Variants in CPLANE1 observed in about 807,000 individuals in gnomAD.
CPLANE1 encodes the protein ciliogenesis and planar polarity effector complex subunit 1, also known as ciliogenesis and planar polarity effector 1.
CPLANE1 carries 263 observed loss-of-function variants against 362.5 expected under a neutral mutation model. That is an observed-to-expected ratio of 0.73 (90% CI 0.66 to 0.80). The LOEUF (loss-of-function observed/expected upper bound fraction) is 0.80. Among genes scored for constraint, CPLANE1 ranks in the 30% least tolerant of loss-of-function variants. The pLI is 0.00. For missense variants in CPLANE1, 3,461 were observed against 3,793.4 expected (o/e 0.91, Z 2.30); for synonymous variants, 1,212 against 1,302.6 (o/e 0.93, Z 1.50).
In CPLANE1 at chr5:37,169,181, T is replaced by C. The variant is rs747872533; in HGVS notation, c.6843A>G (p.Ala2281=). ...LPQRAAQTTP[A]SHLNVSQYNT... is the part of the protein sequence containing the mutation. Reference sequence around the variant, plus strand: ...TATACTGGCTTACATTCAAATGGGATGCTGGAGTAGTTTGTGCTGCTCTCT... The same window carrying C: ...TATACTGGCTTACATTCAAATGGGACGCTGGAGTAGTTTGTGCTGCTCTCT... The change falls in exon 34 of 53, where the codon GCA becomes GCG. Residue 2281 remains alanine, a synonymous_variant. Transcript: ENST00000651892. 2 of 1,614,212 alleles carry C rather than the reference T, an allele frequency of 1.2e-6. No individual in the cohort carries two copies. The highest frequency in any genetic ancestry group is 1.7e-6 in the Non-Finnish European group (2 of 1,180,034).
chr5:37,121,580 GTTATC>G (rs1762641756), intron 49 of CPLANE1, 32 bp downstream of exon 49: 3 of 1,597,742 alleles, frequency 1.9e-6, no homozygotes, highest in African/African-American at 2.7e-5. Context: ...CAGGCCTGAC[GTTATC>G]TTGCCAAATG....
intron 29 of CPLANE1, 44 bp downstream of exon 29, chr5:37,179,317 C>T: frequency 1.6e-6 from 2 of 1,237,582 alleles, no homozygotes; most frequent in Non-Finnish European, 2.3e-6. Flanking sequence ...AAACACTATA[C>T]AAAATGAAAG....
rs1047150320 is a variant in CPLANE1 at position 37,244,644 on chromosome 5, A to C, written c.338-37T>G. On this transcript the variant is annotated intron_variant, in intron 4 of 52. Transcript: ENST00000651892. Reference sequence around the variant, plus strand: ...ACAAAAAAAGTAATTAAGCCTCTGAAGTCTGAATTCCCCCCAATAAAGTAC... The same window carrying C: ...ACAAAAAAAGTAATTAAGCCTCTGACGTCTGAATTCCCCCCAATAAAGTAC... 1.6e-5 allele frequency: 19 copies of C among 1,187,502 alleles called. No homozygotes were observed. In the African/African-American group the frequency reaches 2.8e-4, roughly 17 times the overall value. 73.6% of individuals were successfully genotyped at this position (1,187,502 alleles called of 1,614,324 possible). A position where few individuals can be genotyped will look rare whatever the true frequency, so the allele number is the denominator to read the frequency against.
In CPLANE1 at chr5:37,245,712, T is replaced by C. The variant is rs1482203832; in HGVS notation, c.215A>G (p.Asn72Ser). 4 of 1,510,996 alleles carry C rather than the reference T, an allele frequency of 2.6e-6. No individual in the cohort carries two copies. The highest frequency in any genetic ancestry group is 2.6e-6 in the Non-Finnish European group (3 of 1,132,234). The allele number at this position is 1,510,996 out of a possible 1,614,324, so 93.6% of individuals were successfully genotyped here. ...KDVIVLTTSS[N>S]DAWLAGVLTT... ...TGAAAATATCAGTACTACTTAACCA[T>C]TACTGGATGTTGTTAGGACAATAAC... The change falls in exon 3 of 53, where the codon AAT (asparagine) becomes AGT (serine). Residue 72 changes from asparagine (N) to serine (S), a missense_variant and splice_region_variant. By Grantham distance (46) the Asn-to-Ser change is conservative (BLOSUM62 1). This residue lies in a region of CPLANE1 where 3,380 missense variants were observed against 3,666.1 expected (regional missense o/e 0.92). Transcript: ENST00000651892.
chr5:37,153,816 A>G lies in CPLANE1; in HGVS notation c.8297T>C (p.Leu2766Pro). 1 of 1,614,088 alleles carries G rather than the reference A, an allele frequency of 6.2e-7. No individual in the cohort carries two copies. The highest frequency in any genetic ancestry group is 1.7e-4 in the Middle Eastern group (1 of 6,060). ...GTTTTCAGCAATGTTCTGTATTGCT[A>G]GCAACTGCTCGTCAATTTTCTGAAG... ...AKLQKIDEQL[L>P]AIQNIAENIE... is the part of the protein sequence containing the mutation. Residue 2766 changes from leucine to proline, a missense_variant, in exon 42 of 53, where the codon CTA becomes CCA. Transcript: ENST00000651892.
chr5:37,078,607 A>ATCT, the CPLANE1 span, among the ~76,000 whole-genome samples: 4 of 152,002 alleles, frequency 2.6e-5, no homozygotes, highest in South Asian at 2.1e-4. Flanking sequence ...CTGCTTTTAG[A>ATCT]TCTTTGGGGA....
At position 37,162,569 on chromosome 5, in the gene CPLANE1, T is replaced by C; in HGVS notation, c.7589-3A>G. 6.3e-7 allele frequency: 1 copy of C among 1,588,626 alleles called. No individual in the cohort carries two copies. On this transcript the variant is annotated splice_polypyrimidine_tract_variant and splice_region_variant and intron_variant, in intron 37 of 52. Transcript: ENST00000651892. ...AGTATTATCATCTTGTAGCATTTCT[T>C]AAATATAATAAAACATTGGAAGTAA...
intron 35 of CPLANE1, among the ~76,000 whole-genome samples, chr5:37,166,743 T>C (rs1000800603): frequency 1.3e-5 from 2 of 152,148 alleles, no homozygotes; most frequent in African/African-American, 2.4e-5. Context: ...ATATGGGATA[T>C]TGTACCAAAT....
Position 37,247,657 on chromosome 5 carries a change from C to T in CPLANE1, c.42G>A (p.Lys14=), listed in dbSNP as rs568469130. The change falls in exon 2 of 53, where the codon AAG becomes AAA. Residue 14 remains lysine, a synonymous_variant. Coordinates refer to ENST00000651892, the MANE Select transcript of CPLANE1 (RefSeq NM_001384732.1). ...AGACACGTGGCCATGGTTTTTTCTG[C>T]TTAATACCTGTTGATGTCAAGATTT... is the stretch of plus-strand genomic sequence containing the variant. ...RLEILTSTGI[K]QKKPWPRVSW... 6.4e-7 allele frequency: 1 copy of T among 1,551,382 alleles called. No homozygotes were observed. The highest frequency in any genetic ancestry group is 2.4e-5 in the East Asian group (1 of 40,902).
At chr5:37,139,970 CA>C in intron 44 of CPLANE1, 1 of 974,588 alleles carries the variant, frequency 1.0e-6, no homozygotes, top group Non-Finnish European at 1.2e-6. Context: ...ATAAAATATA[CA>C]CAAACAAAAA....
chr5:37,076,268 G>T, the CPLANE1 span, among the ~76,000 whole-genome samples: 4 of 143,846 alleles, frequency 2.8e-5, no homozygotes, highest in African/African-American at 1.0e-4. Flanking sequence ...AAAAAAAAAA[G>T]AAAAGAAAAG....
At chr5:37,161,447 T>C (rs566679519) in intron 38 of CPLANE1, among the ~76,000 whole-genome samples, 1 of 152,374 alleles carries the variant, frequency 6.6e-6, no homozygotes, top group South Asian at 2.1e-4. Context: ...TTTAATTCAT[T>C]AGTTAGCATT....
intron 8 of CPLANE1, among the ~76,000 whole-genome samples, chr5:37,237,567 C>A (rs1441533664): frequency 6.6e-6 from 1 of 152,208 alleles, no homozygotes; most frequent in Non-Finnish European, 1.5e-5. Flanking sequence ...GCACCTATGG[C>A]CAGGCACGGT....
At chr5:37,138,243 T>C (rs528450185) in intron 46 of CPLANE1, among the ~76,000 whole-genome samples, 1 of 152,350 alleles carries the variant, frequency 6.6e-6, no homozygotes, top group Admixed American at 6.5e-5. Context: ...CTTATATATT[T>C]AGGATAGTTA....
rs2151177439 is a variant in CPLANE1, at chr5:37,184,896, C to A, written c.4373G>T (p.Ser1458Ile). Residue 1458 changes from serine to isoleucine, a missense_variant, in exon 25 of 53, where the codon AGC (serine) becomes ATC (isoleucine). Physicochemically the swap from Ser to Ile is moderately radical, Grantham distance 142. Around this residue, in one of 2 missense-constraint regions of CPLANE1, gnomAD observed 3,380 missense variants for 3,666.1 expected, o/e 0.92. Coordinates refer to ENST00000651892, the MANE Select transcript of CPLANE1 (RefSeq NM_001384732.1). The stretch of plus-strand genomic sequence containing the variant: ...TCCTAGTTCTGTGAGTGTACTTCTG[C>A]TCAAACTAGTCCCCAGGGAATATCT... The part of the protein sequence containing the change: ...VDRYSLGTSL[S>I]RSTLTELGDS... 6.2e-7 allele frequency: 1 copy of A among 1,614,116 alleles called. No homozygotes were observed. Among genetic ancestry groups the A allele is most frequent in the Non-Finnish European group, 8.5e-7 (1 of 1,179,988 alleles).
chr5:37,230,452 G>A (rs141487372), intron 9 of CPLANE1, among the ~76,000 whole-genome samples: 373 of 151,836 alleles, frequency 2.5e-3, no homozygotes, highest in Middle Eastern at 0.01. Context: ...ATTAAAATAC[G>A]GCTAAATCCT....
intron 19 of CPLANE1, among the ~76,000 whole-genome samples, 164 bp downstream of exon 19, chr5:37,201,427 T>C (rs1168142202): frequency 3.3e-5 from 5 of 152,352 alleles, no homozygotes; most frequent in Middle Eastern, 3.4e-3. Context: ...AGCAGTTTAG[T>C]ACATTCCCTA....
At chr5:37,233,588 C>T (rs1324557822) in intron 8 of CPLANE1, among the ~76,000 whole-genome samples, 2 of 151,954 alleles carry the variant, frequency 1.3e-5, no homozygotes, top group Non-Finnish European at 2.9e-5. Context: ...GGGACTAGTC[C>T]CCCCAAACCA....
chr5:37,238,286 C>T (rs919639480), intron 8 of CPLANE1, among the ~76,000 whole-genome samples: 3 of 151,990 alleles, frequency 2.0e-5, no homozygotes, highest in Non-Finnish European at 4.4e-5. Context: ...AATTCTTATG[C>T]CTCAACCTCC....
Sources: allele counts gnomAD v4.1 joint callset (sites outside exome capture counted in the v4.1 genomes callset), GRCh38; gene constraint gnomAD v4.1.1; regional missense constraint gnomAD v4.1.1; transcripts MANE v1.5; gene names NCBI Gene and HGNC (gene_info 2026-07-23, HGNC 2026-07-21).